The following RNF130 variants were observed in gnomAD, a reference collection of about 807,000 sequenced individuals.
RNF130 encodes the protein ring finger protein 130.
RNF130 carries 21 observed loss-of-function variants against 44.6 expected under a neutral mutation model. The ratio of observed to expected loss-of-function variants is 0.47; its 90% CI spans 0.33 to 0.68. The LOEUF is 0.68. Among genes scored for constraint, RNF130 ranks in the 30% least tolerant of loss-of-function variants. The probability of loss-of-function intolerance (pLI) is 0.02; values close to 1 mark genes in which losing one functional copy is unlikely to be tolerated. For missense variants in RNF130, 479 were observed against 560.6 expected (o/e 0.85, Z 1.47); for synonymous variants, 214 against 210.4 (o/e 1.02, Z -0.15).
chr5:179,920,684 G>A (rs1255310181), intron 7 of RNF130, among the ~76,000 whole-genome samples: 3 of 151,968 alleles, frequency 2.0e-5, no homozygotes, highest in South Asian at 2.1e-4. Flanking sequence ...CCTGGTGCTC[G>A]TAAAAGGGTT....
At position 180,007,401 on chromosome 5, in the gene RNF130, A is replaced by AAAAAAC. The variant is rs1262044025; in HGVS notation, c.693+5654_693+5659dup. Among the ~76,000 whole-genome samples the AAAAAAC allele has an allele frequency of 5.3e-5, 8 of 152,176 alleles. No individual in the cohort carries two copies. The East Asian group carries it at 5.8e-4, about 11-fold the overall frequency. On this transcript the variant is annotated intron_variant, in intron 3 of 8. Transcript: ENST00000521389. ...GGGTGACAGAGTGAGACCCAGTCTC[A>AAAAAAC]AAAAACAAAAACAAAAACAGTTTGT...
intron 2 of RNF130, among the ~76,000 whole-genome samples, chr5:180,020,324 G>A (rs1366389102): frequency 6.6e-6 from 1 of 152,306 alleles, no homozygotes; most frequent in East Asian, 1.9e-4. Flanking sequence ...ACGTGACTAC[G>A]GAGAGGAAGA....
chr5:180,007,589 G>A (rs1161001440), intron 3 of RNF130, among the ~76,000 whole-genome samples: 1 of 152,068 alleles, frequency 6.6e-6, no homozygotes. Context: ...ATTTCATCAA[G>A]CATTTGTCAA....
chr5:179,964,354 T>G (rs1762397501), intron 7 of RNF130: 1 of 152,226 alleles, frequency 6.6e-6, no homozygotes, highest in Non-Finnish European at 1.5e-5. Flanking sequence ...TCAGAGCCTA[T>G]GTTGTCAAGG....
chr5:179,952,934 C>T (rs1240281379), downstream of RNF130, among the ~76,000 whole-genome samples: 1 of 152,074 alleles, frequency 6.6e-6, no homozygotes, highest in Non-Finnish European at 1.5e-5. Context: ...ATCACAACAA[C>T]ACATGGATGT....
intron 2 of RNF130, 72 bp downstream of exon 2, chr5:180,040,381 G>C: frequency 1.2e-5 from 16 of 1,372,496 alleles, no homozygotes; most frequent in Non-Finnish European, 1.6e-5. Flanking sequence ...TTCAGCAGAG[G>C]CAGAATGCTT....
At chr5:180,002,768 C>T (rs1008473384) in intron 3 of RNF130, among the ~76,000 whole-genome samples, 8 of 152,150 alleles carry the variant, frequency 5.3e-5, no homozygotes, top group Non-Finnish European at 1.0e-4. Flanking sequence ...TCTGTGCTCT[C>T]CAGAGCTTCT....
At chr5:179,959,052 G>A (rs1218496468) in intron 8 of RNF130, among the ~76,000 whole-genome samples, 1 of 152,162 alleles carries the variant, frequency 6.6e-6, no homozygotes, top group Non-Finnish European at 1.5e-5. Flanking sequence ...GAAATACAGA[G>A]TAAGCATCAC....
chr5:180,017,473 T>C (rs1160244281), intron 2 of RNF130, among the ~76,000 whole-genome samples: 1 of 152,202 alleles, frequency 6.6e-6, no homozygotes, highest in African/African-American at 2.4e-5. Context: ...TTTCACTCAA[T>C]GCTCTCAGCA....
intron 1 of RNF130, among the ~76,000 whole-genome samples, chr5:180,056,912 CAAG>C (rs1764837797): frequency 6.6e-6 from 1 of 152,204 alleles, no homozygotes; most frequent in Admixed American, 6.5e-5. Context: ...AAACTAGTCA[CAAG>C]AAGGCATACC....
chr5:180,032,195 T>G, intron 2 of RNF130, among the ~76,000 whole-genome samples: 1 of 152,240 alleles, frequency 6.6e-6, no homozygotes. Context: ...GACAAAGGTT[T>G]TTAATTTTGA....
intron 7 of RNF130, among the ~76,000 whole-genome samples, chr5:179,925,174 G>T (rs571028961): frequency 1.3e-5 from 2 of 152,342 alleles, no homozygotes; most frequent in South Asian, 4.1e-4. Context: ...CCGGGATGGG[G>T]CTGGTCACCA....
At chr5:180,003,489 T>C (rs1763394126) in intron 3 of RNF130, among the ~76,000 whole-genome samples, 1 of 152,242 alleles carries the variant, frequency 6.6e-6, no homozygotes, top group Non-Finnish European at 1.5e-5. Flanking sequence ...GTGTTAGGTA[T>C]TAATGTCAAT....
chr5:180,005,463 T>C (rs924469805), intron 3 of RNF130, among the ~76,000 whole-genome samples: 1 of 152,062 alleles, frequency 6.6e-6, no homozygotes, highest in African/African-American at 2.4e-5. Flanking sequence ...ACAGAAACCA[T>C]ATTGATTATA....
In RNF130 at chr5:180,033,635, G is replaced by A. The variant is rs1207958552; in HGVS notation, c.442+6818C>T. Among the ~76,000 whole-genome samples the A allele has an allele frequency of 5.9e-5, 9 of 151,912 alleles. No individual in the cohort carries two copies. In the East Asian group the frequency reaches 1.4e-3, roughly 23 times the overall value. On this transcript the variant is annotated intron_variant, in intron 2 of 8. Transcript: ENST00000521389. ...CACTTGAACCCAGGAGGCAGAGATTGCAGTGAGCCAAGGTCGTACCACTGC... is the reference window on the plus strand; with the variant it reads ...CACTTGAACCCAGGAGGCAGAGATTACAGTGAGCCAAGGTCGTACCACTGC...
At chr5:180,058,498 G>C (rs1222768841) in intron 1 of RNF130, among the ~76,000 whole-genome samples, 1 of 152,152 alleles carries the variant, frequency 6.6e-6, no homozygotes, top group Non-Finnish European at 1.5e-5. Flanking sequence ...AAAGTAGAGT[G>C]GTGTTCGCAG....
intron 8 of RNF130, chr5:179,956,355 G>A (rs934356651): frequency 6.6e-6 from 1 of 152,154 alleles, no homozygotes; most frequent in African/African-American, 2.4e-5. Flanking sequence ...ATAAGCTTTG[G>A]TTATTACACA....
At position 180,056,183 on chromosome 5, in the gene RNF130, T is replaced by C. The variant is rs375262824; in HGVS notation, c.247+15273A>G. On this transcript the variant is annotated intron_variant, in intron 1 of 8. Coordinates refer to ENST00000521389, the MANE Select transcript of RNF130 (RefSeq NM_018434.6). ...AAACTAGAAAATATCATGAAGACTA[T>C]CAGAAATATAGATTTATTCCCGCTG... Among the ~76,000 whole-genome samples the C allele has an allele frequency of 2.0e-5, 3 of 151,654 alleles. No homozygotes were observed. The East Asian group carries it at 5.8e-4, about 29-fold the overall frequency.
intron 7 of RNF130, among the ~76,000 whole-genome samples, chr5:179,922,930 TA>T (rs983258884): frequency 6.6e-6 from 1 of 151,986 alleles, no homozygotes; most frequent in African/African-American, 2.4e-5. Context: ...AAAAAAATAA[TA>T]ATAATAATCC....
Sources: allele counts gnomAD v4.1 joint callset (sites outside exome capture counted in the v4.1 genomes callset), GRCh38; gene constraint gnomAD v4.1.1; transcripts MANE v1.5; gene names NCBI Gene and HGNC (gene_info 2026-07-23, HGNC 2026-07-21).